Variants in MCU observed in about 807,000 individuals in gnomAD.
MCU encodes mitochondrial calcium uniporter, also known as calcium uniporter protein, mitochondrial.
A neutral mutation model predicts 45.2 loss-of-function variants in MCU; 12 were observed. The ratio of observed to expected loss-of-function variants is 0.27; its 90% CI spans 0.17 to 0.43. The LOEUF (loss-of-function observed/expected upper bound fraction) is 0.43. MCU is among the 20% of genes least tolerant of loss of function. The pLI is 1.00. For synonymous variants in MCU, 160 were observed against 165.1 expected, an observed-to-expected ratio of 0.97 and a Z score of 0.24; for missense variants, 324 against 436.7, an observed-to-expected ratio of 0.74 and a Z score of 2.30.
chr10:72,692,568 C>T (rs1407792502), intron 1 of MCU: 12 of 1,093,604 alleles, frequency 1.1e-5, no homozygotes, highest in African/African-American at 1.7e-5. Context: ...GCGGGGAAGG[C>T]ACGGGACTTG....
At chr10:72,762,539 G>T (rs368381018) in intron 1 of MCU, among the ~76,000 whole-genome samples, 1 of 152,080 alleles carries the variant, frequency 6.6e-6, no homozygotes. Flanking sequence ...AAACTGGAAG[G>T]ACTGGTGAGG....
chr10:72,779,938 C>T (rs757880694), intron 1 of MCU, among the ~76,000 whole-genome samples: 13 of 151,784 alleles, frequency 8.6e-5, no homozygotes, highest in Non-Finnish European at 1.8e-4. Flanking sequence ...TATGTATATA[C>T]CCAATAGAAA....
chr10:72,801,231 G>C lies in MCU; in HGVS notation c.151-33128G>C, dbSNP rs140405679. 5.9e-3 allele frequency among the ~76,000 whole-genome samples: 901 copies of C among 152,030 alleles called. 12 individuals are homozygous for C. The highest frequency in any genetic ancestry group is 0.02 in the African/African-American group (849 of 41,472). Reference sequence around the variant, plus strand: ...CTCTAGAAAATTTATAGTACTTTTCGTGTTATTATACACTATCACCTATTA... The same window carrying C: ...CTCTAGAAAATTTATAGTACTTTTCCTGTTATTATACACTATCACCTATTA... On this transcript the variant is annotated intron_variant, in intron 1 of 7. Transcript: ENST00000373053.
At position 72,793,277 on chromosome 10, in the gene MCU, G is replaced by A. The variant is rs370689823; in HGVS notation, c.151-41082G>A. ...GGGAGAGCCTGCCTCAAATCCTCAGGCAAAATAAAGTCACAGATGAGAAGC... is the reference window on the plus strand; with the variant it reads ...GGGAGAGCCTGCCTCAAATCCTCAGACAAAATAAAGTCACAGATGAGAAGC... On this transcript the variant is annotated intron_variant, in intron 1 of 7. Transcript: ENST00000373053. Among the ~76,000 whole-genome samples the A allele has an allele frequency of 3.9e-5, 6 of 152,180 alleles. 1 individual carries two copies. Among genetic ancestry groups the A allele is most frequent in the African/African-American group, 1.4e-4 (6 of 41,512 alleles).
chr10:72,781,491 C>T (rs896931522), intron 1 of MCU, among the ~76,000 whole-genome samples: 2 of 152,346 alleles, frequency 1.3e-5, no homozygotes, highest in South Asian at 4.1e-4. Context: ...CAGAAATACA[C>T]AGAGCATACA....
chr10:72,716,856 G>C (rs1842961155), intron 1 of MCU, among the ~76,000 whole-genome samples: 1 of 152,138 alleles, frequency 6.6e-6, no homozygotes, highest in African/African-American at 2.4e-5. Context: ...CTGGATGACA[G>C]AGCAAGACCC....
At chr10:72,806,467 C>T (rs1181510933) in intron 1 of MCU, among the ~76,000 whole-genome samples, 1 of 152,120 alleles carries the variant, frequency 6.6e-6, no homozygotes, top group African/African-American at 2.4e-5. Flanking sequence ...GCATGAAGAG[C>T]TTTAAAGACA....
chr10:72,741,507 T>G (rs773190740), intron 1 of MCU, among the ~76,000 whole-genome samples: 3 of 152,204 alleles, frequency 2.0e-5, no homozygotes, highest in Non-Finnish European at 4.4e-5. Flanking sequence ...AGGATAAACA[T>G]AGAGAGACAG....
intron 2 of MCU, among the ~76,000 whole-genome samples, chr10:72,847,267 A>G (rs1014843185): frequency 1.3e-5 from 2 of 152,100 alleles, no homozygotes; most frequent in African/African-American, 4.8e-5. Flanking sequence ...GAGCCACCGC[A>G]CCTGTCCTGT....
At chr10:72,811,298 C>T (rs529207538) in intron 1 of MCU, among the ~76,000 whole-genome samples, 20 of 152,268 alleles carry the variant, frequency 1.3e-4, no homozygotes, top group Middle Eastern at 3.4e-3. Flanking sequence ...GCATTCTAGA[C>T]GCAATGAGCC....
chr10:72,881,814 G>C (rs1394879779), intron 6 of MCU, among the ~76,000 whole-genome samples: 2 of 152,164 alleles, frequency 1.3e-5, no homozygotes, highest in African/African-American at 4.8e-5. Flanking sequence ...ATCTCCAAGA[G>C]AAATGAAAAT....
intron 1 of MCU, 75 bp downstream of exon 1, chr10:72,692,376 G>T: frequency 9.0e-7 from 1 of 1,105,648 alleles, no homozygotes; most frequent in Non-Finnish European, 1.1e-6. Context: ...CGGGCAGGCC[G>T]CCGGGGCAGC....
At chr10:72,708,948 C>A (rs558023817) in intron 1 of MCU, among the ~76,000 whole-genome samples, 15 of 151,818 alleles carry the variant, frequency 9.9e-5, no homozygotes, top group Admixed American at 5.3e-4. Context: ...GCCTAGGCTG[C>A]AGTAAGCTTT....
intron 1 of MCU, among the ~76,000 whole-genome samples, chr10:72,811,238 T>C (rs767564256): frequency 1.3e-5 from 2 of 152,210 alleles, no homozygotes; most frequent in Non-Finnish European, 2.9e-5. Context: ...TTCAGTTCGG[T>C]TGTGGTGGCT....
intron 1 of MCU, among the ~76,000 whole-genome samples, chr10:72,707,925 C>T (rs552561095): frequency 6.5e-4 from 99 of 152,180 alleles, no homozygotes; most frequent in Middle Eastern, 3.4e-3. Context: ...CCTCCTGCCT[C>T]ACCTTCTTCA....
chr10:72,702,437 G>A (rs565960454), intron 1 of MCU, among the ~76,000 whole-genome samples: 3 of 152,222 alleles, frequency 2.0e-5, no homozygotes, highest in African/African-American at 7.2e-5. Flanking sequence ...AGAAGGGTTT[G>A]GTAACCTGGA....
chr10:72,861,809 T>C (rs370229644), intron 4 of MCU: 2 of 303,936 alleles, frequency 6.6e-6, no homozygotes, highest in African/African-American at 4.6e-5. Context: ...ATAAATAGTA[T>C]TTTTATGTAC....
At chr10:72,702,125 G>T (rs1346815652) in intron 1 of MCU, among the ~76,000 whole-genome samples, 1 of 150,966 alleles carries the variant, frequency 6.6e-6, no homozygotes, top group East Asian at 2.0e-4. Context: ...GGAGGGGGGC[G>T]CCATAATTCC....
intron 6 of MCU, among the ~76,000 whole-genome samples, chr10:72,873,466 A>G (rs1171475515): frequency 6.6e-6 from 1 of 151,856 alleles, no homozygotes; most frequent in Non-Finnish European, 1.5e-5. Context: ...TTTTTTTGCT[A>G]TTGAGTTGTT....
Sources: gnomAD v4.1 joint callset for allele counts (sites outside exome capture counted in the v4.1 genomes callset) on GRCh38, gnomAD v4.1.1 for gene constraint, MANE v1.5 for transcripts, NCBI Gene and HGNC (gene_info 2026-07-23, HGNC 2026-07-21) for gene names.